Variants in DCDC1 observed in about 807,000 individuals in gnomAD.
DCDC1 encodes doublecortin domain-containing protein 1.
Under a neutral mutation model 178.3 loss-of-function variants are expected in DCDC1, and 200 were observed. The ratio of observed to expected loss-of-function variants is 1.12; its 90% CI spans 1.00 to 1.26. DCDC1 has a LOEUF of 1.26. Ranked by LOEUF, DCDC1 falls within the 50% of genes most tolerant of loss-of-function variation. DCDC1 has a pLI of 0.00. For synonymous variants in DCDC1, 690 were observed against 604.8 expected (o/e 1.14, Z -2.07); for missense variants, 1,983 against 1,749.2 (o/e 1.13, Z -2.38).
chr11:30,998,866 A>G (rs1297571146), intron 20 of DCDC1, among the ~76,000 whole-genome samples: 1 of 152,204 alleles, frequency 6.6e-6, no homozygotes, highest in African/African-American at 2.4e-5. Context: ...GTTACTTGAC[A>G]GTGGAGAAAT....
intron 6 of DCDC1, among the ~76,000 whole-genome samples, chr11:31,294,833 AGAAAGAAAG>A (rs1403919181): frequency 1.3e-5 from 2 of 150,658 alleles, no homozygotes; most frequent in African/African-American, 4.9e-5. Context: ...AAAGAAAGAA[AGAAAGAAAG>A]AAAGAAAGAA....
chr11:31,236,464 T>A (rs531954197), intron 9 of DCDC1, among the ~76,000 whole-genome samples: 2 of 152,142 alleles, frequency 1.3e-5, no homozygotes, highest in South Asian at 2.1e-4. Flanking sequence ...ACACCTTTTT[T>A]AAAAAGTGAC....
intron 12 of DCDC1, 141 bp downstream of exon 12, chr11:31,110,119 A>G: frequency 1.8e-6 from 1 of 564,596 alleles, no homozygotes; most frequent in Non-Finnish European, 3.2e-6. Context: ...GAAATTCAGA[A>G]GTAAATCTTT....
At chr11:31,138,696 A>C (rs1328343587) in intron 9 of DCDC1, among the ~76,000 whole-genome samples, 1 of 152,156 alleles carries the variant, frequency 6.6e-6, no homozygotes, top group African/African-American at 2.4e-5. Flanking sequence ...AAGCTTTCTC[A>C]ATTGTATGCC....
At chr11:31,351,639 A>G (rs2133301343) in intron 1 of DCDC1, among the ~76,000 whole-genome samples, 1 of 152,270 alleles carries the variant, frequency 6.6e-6, no homozygotes, top group South Asian at 2.1e-4. Context: ...ACTCTATCTT[A>G]CTTTAATGGA....
At chr11:30,908,862 T>G (rs1945256147) in intron 29 of DCDC1, 84 bp downstream of exon 29, 1 of 1,307,456 alleles carries the variant, frequency 7.6e-7, no homozygotes, top group African/African-American at 1.5e-5. Flanking sequence ...TAAAGTTTTC[T>G]AGGGAAAAAA....
chr11:31,108,289 A>T (rs1958983397), intron 12 of DCDC1, among the ~76,000 whole-genome samples: 1 of 152,206 alleles, frequency 6.6e-6, no homozygotes, highest in South Asian at 2.1e-4. Context: ...ATTAAAAATG[A>T]TCATTACTCT....
intron 9 of DCDC1, among the ~76,000 whole-genome samples, chr11:31,186,811 T>C (rs1182527588): frequency 1.3e-5 from 2 of 152,220 alleles, no homozygotes; most frequent in African/African-American, 4.8e-5. Flanking sequence ...AGCAGCTTCA[T>C]ACAGCTTCTC....
chr11:30,996,374 T>G (rs763188877), intron 20 of DCDC1, among the ~76,000 whole-genome samples: 1 of 152,126 alleles, frequency 6.6e-6, no homozygotes, highest in Non-Finnish European at 1.5e-5. Flanking sequence ...CAGAAACAGC[T>G]TGGTACATAT....
At chr11:31,349,078 TTA>T (rs1393715744) in intron 1 of DCDC1, among the ~76,000 whole-genome samples, 1 of 152,114 alleles carries the variant, frequency 6.6e-6, no homozygotes, top group Non-Finnish European at 1.5e-5. Flanking sequence ...CTCAAATAAG[TTA>T]TGTTTCCTGT....
rs79221506 is a variant in DCDC1 at position 31,276,366 on chromosome 11, T to C, written c.961-10766A>G. On this transcript the variant is annotated intron_variant, in intron 7 of 38. Coordinates refer to ENST00000684477, the MANE Select transcript of DCDC1 (RefSeq NM_001387274.1). The stretch of plus-strand genomic sequence containing the variant: ...AATGGATAATTGTGAAACTAATCAT[T>C]TGGATTACTAAAAATACTTCACCTT... Among the ~76,000 whole-genome samples the C allele has an allele frequency of 2.3e-4, 35 of 152,308 alleles. No individual in the cohort carries two copies. In the East Asian group the frequency reaches 6.0e-3, roughly 26 times the overall value.
At chr11:30,906,823 C>A in intron 29 of DCDC1, 98 bp from the exon 30 acceptor site, 7 of 1,036,948 alleles carry the variant, frequency 6.8e-6, no homozygotes, top group African/African-American at 1.6e-5. Flanking sequence ...ACTTTTAACA[C>A]CCCAAAATGC....
intron 32 of DCDC1, among the ~76,000 whole-genome samples, 175 bp downstream of exon 32, chr11:30,903,307 A>G (rs1944830993): frequency 1.3e-5 from 2 of 152,278 alleles, no homozygotes; most frequent in South Asian, 2.1e-4. Flanking sequence ...AACTTTTCTT[A>G]TAATTCTGCA....
At chr11:30,912,251 A>C (rs1274872081) in intron 27 of DCDC1, among the ~76,000 whole-genome samples, 1 of 151,750 alleles carries the variant, frequency 6.6e-6, no homozygotes, top group Non-Finnish European at 1.5e-5. Context: ...AATAAATTTC[A>C]TTCCTTATAA....
chr11:31,116,133 C>T (rs1347160632), intron 11 of DCDC1, among the ~76,000 whole-genome samples: 1 of 152,006 alleles, frequency 6.6e-6, no homozygotes, highest in Non-Finnish European at 1.5e-5. Context: ...TTACAGGTGA[C>T]TCTCAGAAAG....
intron 8 of DCDC1, among the ~76,000 whole-genome samples, chr11:31,256,911 G>A (rs1944446919): frequency 6.6e-6 from 1 of 152,104 alleles, no homozygotes; most frequent in Non-Finnish European, 1.5e-5. Context: ...GTGGGCTGTG[G>A]AGGGCTTAGC....
rs746354257 is a variant in DCDC1 at position 30,881,215 on chromosome 11, T to C, written c.5176A>G (p.Ile1726Val). The change falls in exon 37 of 39, where the codon ATA becomes GTA. Residue 1726 changes from isoleucine to valine, a missense_variant. Coordinates refer to ENST00000684477, the MANE Select transcript of DCDC1 (RefSeq NM_001387274.1). ...ACACAGATGACCATATCTCGCTCTA[T>C]GTCGTCCCAGGACTGAATTGGCTCT... is the stretch of plus-strand genomic sequence containing the variant. ...SGEPIQSWDD[I>V]ERDMVICVSM... 2.5e-6 allele frequency: 4 copies of C among 1,613,580 alleles called. No homozygotes were observed. The highest frequency in any genetic ancestry group is 3.4e-6 in the Non-Finnish European group (4 of 1,179,626).
At chr11:31,191,516 T>C (rs1591360522) in intron 9 of DCDC1, among the ~76,000 whole-genome samples, 1 of 152,112 alleles carries the variant, frequency 6.6e-6, no homozygotes, top group Admixed American at 6.6e-5. Flanking sequence ...GTGGTAGAGA[T>C]GAGCAGTATG....
intron 9 of DCDC1, among the ~76,000 whole-genome samples, chr11:31,222,354 C>T (rs893493443): frequency 4.6e-5 from 7 of 152,236 alleles, no homozygotes; most frequent in South Asian, 2.1e-4. Context: ...TGAGCCACCA[C>T]GCCTGGCCTC....
Sources: gnomAD v4.1 joint callset for allele counts (sites outside exome capture counted in the v4.1 genomes callset) on GRCh38, gnomAD v4.1.1 for gene constraint, MANE v1.5 for transcripts, NCBI Gene and HGNC (gene_info 2026-07-23, HGNC 2026-07-21) for gene names.